The following MEAF6 variants were observed in gnomAD, a reference collection of about 807,000 sequenced individuals.
MEAF6 encodes the protein MYST/Esa1 associated factor 6.
In MEAF6, 15 loss-of-function variants were observed where a neutral mutation model predicts 28.9. The observed-to-expected ratio is 0.52, with a 90% CI of 0.35 to 0.80. The LOEUF is 0.80. MEAF6 is among the 30% of genes least tolerant of loss of function. The pLI, the probability that MEAF6 is intolerant of heterozygous loss-of-function variation, is 0.01. For missense variants in MEAF6, 178 were observed against 237.5 expected (o/e 0.75, Z 1.65); for synonymous variants, 97 against 88.7 (o/e 1.09, Z -0.53).
rs1234150309 is a variant in MEAF6 at position 37,491,032 on chromosome 1, A to G, written c.*3067T>C. Among the ~76,000 whole-genome samples the G allele has an allele frequency of 1.3e-5, 2 of 152,238 alleles. No individual in the cohort carries two copies. Among genetic ancestry groups the G allele is most frequent in the African/African-American group, 4.8e-5 (2 of 41,502 alleles). On this transcript the variant is annotated 3_prime_UTR_variant, in exon 7 of 7. Transcript: ENST00000296214. The stretch of plus-strand genomic sequence containing the variant: ...ACAGAGCAAGACTCTGTCTCAAAAA[A>G]ATAAATAAATAAAATAATGCCTCAT...
chr1:37,490,395 T>A lies in MEAF6; in HGVS notation c.*3704A>T, dbSNP rs1641889190. ...TTCCAATCCCTTCTTTTCACTATCA[T>A]TGTATCTGACACACACATCACCTTC... On this transcript the variant is annotated 3_prime_UTR_variant, in exon 7 of 7. Coordinates refer to ENST00000296214, the MANE Select transcript of MEAF6 (RefSeq NM_001270875.3). 6.6e-6 allele frequency among the ~76,000 whole-genome samples: 1 copy of A among 152,144 alleles called. No individual in the cohort carries two copies. Among genetic ancestry groups the A allele is most frequent in the African/African-American group, 2.4e-5 (1 of 41,426 alleles).
chr1:37,494,847 T>A (rs1408464455), intron 6 of MEAF6, among the ~76,000 whole-genome samples: 1 of 150,640 alleles, frequency 6.6e-6, no homozygotes, highest in Non-Finnish European at 1.5e-5. Context: ...AAAAAAAAAA[T>A]TTAAAAAAAG....
rs1641973855 is a variant in MEAF6, at chr1:37,492,581, A to AAC, written c.*1517_*1518insGT. ...GAGTCAAAAAAAAAAAAAAAAAAAAACCCACAAAAGTTTATTTGAGAACAA... is the reference window on the plus strand; with the variant it reads ...GAGTCAAAAAAAAAAAAAAAAAAAAAACCCCACAAAAGTTTATTTGAGAACAA... On this transcript the variant is annotated 3_prime_UTR_variant, in exon 7 of 7. Transcript: ENST00000296214. 4.7e-5 allele frequency: 7 copies of AAC among 149,924 alleles called. No homozygotes were observed. 9.3% of individuals were successfully genotyped at this position (149,924 alleles called of 1,614,324 possible). A position where few individuals can be genotyped will look rare whatever the true frequency, so the allele number is the denominator to read the frequency against.
At chr1:37,513,706 C>A in intron 1 of MEAF6, 168 bp from the exon 2 acceptor site, 1 of 620,744 alleles carries the variant, frequency 1.6e-6, no homozygotes, top group Non-Finnish European at 2.9e-6. Flanking sequence ...AGGACTAAGA[C>A]AGTCTAGACC....
intron 5 of MEAF6, among the ~76,000 whole-genome samples, 176 bp from the exon 6 acceptor site, chr1:37,496,094 TA>T (rs2148062345): frequency 6.6e-6 from 1 of 152,360 alleles, no homozygotes; most frequent in East Asian, 1.9e-4. Flanking sequence ...AAGCAAGTAT[TA>T]AAAATTATGA....
At chr1:37,495,333 A>AAAATAAATAAAT (rs199695721) in intron 6 of MEAF6, among the ~76,000 whole-genome samples, 122 of 138,524 alleles carry the variant, frequency 8.8e-4, no homozygotes, top group Non-Finnish European at 8.2e-4. Flanking sequence ...TCCGTCTCAA[A>AAAATAAATAAAT]AAATAAATAA....
intron 4 of MEAF6, among the ~76,000 whole-genome samples, chr1:37,503,429 T>A (rs1642379270): frequency 6.6e-6 from 1 of 152,038 alleles, no homozygotes; most frequent in Admixed American, 6.5e-5. Flanking sequence ...GGCAGGAGGA[T>A]GGCTTGAGGC....
chr1:37,501,042 T>C (rs1392715756), intron 5 of MEAF6: 2 of 154,192 alleles, frequency 1.3e-5, no homozygotes, highest in African/African-American at 4.8e-5. Context: ...TTATACTCTT[T>C]AGGTCAAGCT....
At chr1:37,513,616 T>C (rs1642736959) in intron 1 of MEAF6, 78 bp from the exon 2 acceptor site, 5 of 1,163,854 alleles carry the variant, frequency 4.3e-6, no homozygotes, top group Non-Finnish European at 6.5e-6. Flanking sequence ...GAAATCCTGA[T>C]ATTAGACTCG....
chr1:37,511,176 G>A (rs1302595868), intron 2 of MEAF6, among the ~76,000 whole-genome samples: 2 of 152,192 alleles, frequency 1.3e-5, no homozygotes, highest in African/African-American at 4.8e-5. Flanking sequence ...AAATGCAAAA[G>A]GTAAGTATGG....
At chr1:37,499,397 C>T (rs72657771) in intron 5 of MEAF6, among the ~76,000 whole-genome samples, 21,740 of 152,188 alleles carry the variant, frequency 0.14, 1,938 homozygotes, top group Admixed American at 0.19. Context: ...CATGCTCTGT[C>T]CCCACCCCAA....
At chr1:37,496,051 A>G in intron 5 of MEAF6, 133 bp from the exon 6 acceptor site, 3 of 720,366 alleles carry the variant, frequency 4.2e-6, no homozygotes, top group East Asian at 2.7e-5. Context: ...TCATTAGACT[A>G]TGTCATATTT....
At chr1:37,501,056 TA>T (rs1405825680) in intron 5 of MEAF6, 16 of 154,154 alleles carry the variant, frequency 1.0e-4, no homozygotes, top group Admixed American at 4.6e-4. Flanking sequence ...TCAAGCTGCA[TA>T]ATTTCCAATT....
intron 4 of MEAF6, among the ~76,000 whole-genome samples, chr1:37,506,690 TTTTTG>T (rs1035606240): frequency 6.6e-6 from 1 of 151,930 alleles, no homozygotes; most frequent in Admixed American, 6.6e-5. Flanking sequence ...CCTTTTCAGG[TTTTTG>T]TTTTGTTTTG....
chr1:37,509,799 C>T (rs748208974), intron 2 of MEAF6, among the ~76,000 whole-genome samples: 9 of 152,102 alleles, frequency 5.9e-5, no homozygotes, highest in African/African-American at 1.2e-4. Context: ...TTTATTGAGA[C>T]GGAGTCTTGC....
In MEAF6 at chr1:37,506,285, T is replaced by C. The variant is rs76692733; in HGVS notation, c.340+2993A>G. ...GACTCCGTCTCAAAAAAAAAAAAAC[T>C]TAGATGCCACTAGGTTAGGCAATGG... On this transcript the variant is annotated intron_variant, in intron 4 of 6. Coordinates refer to ENST00000296214, the MANE Select transcript of MEAF6 (RefSeq NM_001270875.3). 8.5e-3 allele frequency among the ~76,000 whole-genome samples: 1,283 copies of C among 150,852 alleles called. 30 individuals are homozygous for C. The highest frequency in any genetic ancestry group is 0.03 in the African/African-American group (1,235 of 41,378).
intron 2 of MEAF6, among the ~76,000 whole-genome samples, chr1:37,511,312 G>T (rs1569989923): frequency 6.6e-6 from 1 of 152,164 alleles, no homozygotes; most frequent in East Asian, 1.9e-4. Context: ...GAGAATGAAA[G>T]AAACAGAAGT....
rs1642781465 is a variant in MEAF6, at chr1:37,514,643, T to C, written c.90+14A>G. 2 of 1,520,520 alleles carry C rather than the reference T, an allele frequency of 1.3e-6. No individual in the cohort carries two copies. The highest frequency in any genetic ancestry group is 1.8e-6 in the Non-Finnish European group (2 of 1,138,434). The allele number at this position is 1,520,520 out of a possible 1,614,324, so 94.2% of individuals were successfully genotyped here. On this transcript the variant is annotated intron_variant, in intron 1 of 6. Transcript: ENST00000296214. ...GGAGCCCCATGCCGTGCAACCCCTGTCCTAGCCCCTCACCGCCAGCTCCTG... is the reference window on the plus strand; with the variant it reads ...GGAGCCCCATGCCGTGCAACCCCTGCCCTAGCCCCTCACCGCCAGCTCCTG...
Position 37,501,872 on chromosome 1 carries a change from A to G in MEAF6, c.465T>C (p.Ala155=). 1 of 1,607,214 alleles carries G rather than the reference A, an allele frequency of 6.2e-7. No individual in the cohort carries two copies. The highest frequency in any genetic ancestry group is 8.5e-7 in the Non-Finnish European group (1 of 1,174,822). The change falls in exon 5 of 7, where the codon GCT becomes GCC. Residue 155 remains alanine, a synonymous_variant. Transcript: ENST00000296214. Reference sequence around the variant, plus strand: ...GACTCCCTGAGGAAGTAGAAGAAGCAGCCTTCTGAGGTTTCACTCCCTGCA... The same window carrying G: ...GACTCCCTGAGGAAGTAGAAGAAGCGGCCTTCTGAGGTTTCACTCCCTGCA... The part of the protein sequence containing the change: ...GSVQGVKPQK[A]ASSTSSGSHH...
Sources: gnomAD v4.1 joint callset for allele counts (sites outside exome capture counted in the v4.1 genomes callset) on GRCh38, gnomAD v4.1.1 for gene constraint, MANE v1.5 for transcripts, NCBI Gene and HGNC (gene_info 2026-07-23, HGNC 2026-07-21) for gene names.